Variants in PRELID2 observed in about 807,000 individuals in gnomAD.
PRELID2 encodes the protein PRELI domain containing 2, also known as PRELI domain-containing protein 2.
A neutral mutation model predicts 28.4 loss-of-function variants in PRELID2; 25 were observed. The ratio of observed to expected loss-of-function variants is 0.88; its 90% CI spans 0.64 to 1.23. PRELID2 has a LOEUF of 1.23. Among genes scored for constraint, PRELID2 ranks in the 50% most tolerant of loss-of-function variants. PRELID2 has a pLI of 0.00. For synonymous variants in PRELID2, 76 were observed against 71.6 expected, an observed-to-expected ratio of 1.06 and a Z score of -0.31; for missense variants, 201 against 214.4, an observed-to-expected ratio of 0.94 and a Z score of 0.39.
intron 1 of PRELID2, among the ~76,000 whole-genome samples, chr5:145,498,567 T>C (rs1338498770): frequency 1.3e-5 from 2 of 152,104 alleles, no homozygotes; most frequent in African/African-American, 4.8e-5. Context: ...TCTCACTCTG[T>C]TGCCTAGGAT....
chr5:145,301,876 C>T, the PRELID2 span, among the ~76,000 whole-genome samples: 2 of 148,214 alleles, frequency 1.3e-5, no homozygotes, highest in African/African-American at 5.0e-5. Context: ...ATTATTGTAG[C>T]TTTTTATTAA....
At chr5:145,511,009 A>C (rs1030455791) in intron 1 of PRELID2, among the ~76,000 whole-genome samples, 5 of 152,210 alleles carry the variant, frequency 3.3e-5, no homozygotes, top group African/African-American at 1.2e-4. Flanking sequence ...TGACTGAGGT[A>C]TGTGGTGTAA....
At chr5:145,825,543 CA>C (rs1408959907) in intron 1 of PRELID2, among the ~76,000 whole-genome samples, 1 of 152,092 alleles carries the variant, frequency 6.6e-6, no homozygotes, top group East Asian at 1.9e-4. Context: ...CTGAATATTA[CA>C]AATTCAACAT....
the PRELID2 span, among the ~76,000 whole-genome samples, chr5:145,318,810 T>C: frequency 6.6e-6 from 1 of 152,190 alleles, no homozygotes; most frequent in South Asian, 2.1e-4. Context: ...AGTGCCCTCT[T>C]GGTACCCAGG....
the PRELID2 span, among the ~76,000 whole-genome samples, chr5:145,330,073 GT>G: frequency 6.6e-6 from 1 of 152,126 alleles, no homozygotes; most frequent in African/African-American, 2.4e-5. Context: ...GATGGATTAT[GT>G]TTTTTGATTT....
the PRELID2 span, among the ~76,000 whole-genome samples, chr5:145,387,358 C>T: frequency 6.6e-6 from 1 of 152,114 alleles, no homozygotes; most frequent in East Asian, 1.9e-4. Flanking sequence ...AAGGGATGAC[C>T]TCTTCCATTT....
At chr5:145,339,030 C>T in the PRELID2 span, among the ~76,000 whole-genome samples, 1 of 152,094 alleles carries the variant, frequency 6.6e-6, no homozygotes, top group Non-Finnish European at 1.5e-5. Flanking sequence ...AGGTTTTAAA[C>T]AGGTTGGATT....
the PRELID2 span, among the ~76,000 whole-genome samples, chr5:145,298,035 C>T: frequency 6.6e-6 from 1 of 152,022 alleles, no homozygotes; most frequent in Non-Finnish European, 1.5e-5. Context: ...ATGAAAATGG[C>T]CATACTGCCC....
At chr5:145,833,530 C>G (rs527339126) in intron 1 of PRELID2, among the ~76,000 whole-genome samples, 14 of 152,204 alleles carry the variant, frequency 9.2e-5, no homozygotes, top group Admixed American at 3.3e-4. Flanking sequence ...TTATTCATTG[C>G]TCAGGTTTTT....
At chr5:145,475,528 A>G (rs993962512) in intron 1 of PRELID2, among the ~76,000 whole-genome samples, 25 of 152,176 alleles carry the variant, frequency 1.6e-4, no homozygotes, top group Non-Finnish European at 3.4e-4. Flanking sequence ...TACTACATGA[A>G]TGCATTGTAC....
chr5:145,268,475 G>A, the PRELID2 span, among the ~76,000 whole-genome samples: 8 of 151,932 alleles, frequency 5.3e-5, no homozygotes, highest in Admixed American at 2.0e-4. Context: ...GGGCTTCCAC[G>A]CACCACAGGT....
chr5:145,740,227 G>C (rs1471894818), intron 1 of PRELID2, among the ~76,000 whole-genome samples: 28 of 127,694 alleles, frequency 2.2e-4, no homozygotes, highest in Non-Finnish European at 3.9e-4. Flanking sequence ...AAAAGTACTA[G>C]GGATAGAGTC....
chr5:145,786,454 G>A (rs1169495870), intron 5 of PRELID2, among the ~76,000 whole-genome samples: 1 of 152,162 alleles, frequency 6.6e-6, no homozygotes, highest in Non-Finnish European at 1.5e-5. Flanking sequence ...TCTATACAGA[G>A]GCCCATGTGG....
At chr5:145,580,798 T>A (rs539409645) in intron 1 of PRELID2, among the ~76,000 whole-genome samples, 3 of 152,022 alleles carry the variant, frequency 2.0e-5, no homozygotes, top group Admixed American at 2.0e-4. Flanking sequence ...ATCCAGGATA[T>A]CCACCCGAAG....
At chr5:145,524,217 A>T (rs1447353222) in intron 1 of PRELID2, among the ~76,000 whole-genome samples, 2 of 152,210 alleles carry the variant, frequency 1.3e-5, no homozygotes, top group African/African-American at 2.4e-5. Flanking sequence ...TCGCAGTCTC[A>T]AAGTGGCATT....
the PRELID2 span, among the ~76,000 whole-genome samples, chr5:145,280,527 G>C: frequency 6.6e-6 from 1 of 152,036 alleles, no homozygotes; most frequent in South Asian, 2.1e-4. Context: ...TGTTTGGATA[G>C]CTTTAGGAGA....
At chr5:145,485,137 A>G (rs888706020) in intron 1 of PRELID2, among the ~76,000 whole-genome samples, 3 of 152,238 alleles carry the variant, frequency 2.0e-5, no homozygotes, top group African/African-American at 7.2e-5. Flanking sequence ...AAGATAATAA[A>G]ACTAAAATAT....
chr5:145,544,954 G>A (rs1752773433), intron 1 of PRELID2, among the ~76,000 whole-genome samples: 1 of 152,030 alleles, frequency 6.6e-6, no homozygotes, highest in Non-Finnish European at 1.5e-5. Context: ...CAGCACGGGT[G>A]TTCATGTCAA....
chr5:145,395,514 C>T, the PRELID2 span, among the ~76,000 whole-genome samples: 225 of 152,180 alleles, frequency 1.5e-3, 6 homozygotes, highest in East Asian at 0.032. Flanking sequence ...GAGAACAAGC[C>T]GGGAGTAGTG....
Sources: allele counts gnomAD v4.1 joint callset (sites outside exome capture counted in the v4.1 genomes callset), GRCh38; gene constraint gnomAD v4.1.1; transcripts MANE v1.5; gene names NCBI Gene and HGNC (gene_info 2026-07-23, HGNC 2026-07-21).